The following RASEF variants were observed in gnomAD, a reference collection of about 807,000 sequenced individuals.
The protein encoded by RASEF is ras and EF-hand domain-containing protein.
A neutral mutation model predicts 90.1 loss-of-function variants in RASEF; 68 were observed. The observed-to-expected ratio is 0.75, with a 90% CI of 0.62 to 0.92. The LOEUF is 0.92. Among genes scored for constraint, RASEF ranks in the 40% least tolerant of loss-of-function variants. RASEF has a pLI of 0.00. For synonymous variants in RASEF, 331 were observed against 345.2 expected (o/e 0.96, Z 0.46); for missense variants, 949 against 937.2 (o/e 1.01, Z -0.16).
chr9:83,018,580 G>T (rs910210025), intron 3 of RASEF, among the ~76,000 whole-genome samples: 1 of 151,738 alleles, frequency 6.6e-6, no homozygotes, highest in Admixed American at 6.6e-5. Flanking sequence ...TTTTTTAAAA[G>T]AAATTGAAAG....
intron 3 of RASEF, among the ~76,000 whole-genome samples, chr9:83,016,344 CA>C (rs1829342084): frequency 6.6e-6 from 1 of 151,980 alleles, no homozygotes; most frequent in Admixed American, 6.5e-5. Flanking sequence ...TACATCACTG[CA>C]AATTTCTATG....
Position 83,062,965 on chromosome 9 carries a change from G to T in RASEF, c.-98C>A. ...CCACCTGCTGCCGCCGGGAGGCCCG[G>T]CGAGTTTGGCTCGTCCGGCTGGTTC... On this transcript the variant is annotated 5_prime_UTR_variant, in exon 1 of 17. Transcript: ENST00000376447. 7.9e-7 allele frequency: 1 copy of T among 1,271,956 alleles called. No individual in the cohort carries two copies. Among genetic ancestry groups the T allele is most frequent in the Non-Finnish European group, 1.0e-6 (1 of 984,440 alleles). The allele number at this position is 1,271,956 out of a possible 1,614,324, so 78.8% of individuals were successfully genotyped here. A position where few individuals can be genotyped will look rare whatever the true frequency, so the allele number is the denominator to read the frequency against.
At chr9:83,212,212 C>T in the RASEF span, among the ~76,000 whole-genome samples, 1 of 152,276 alleles carries the variant, frequency 6.6e-6, no homozygotes, top group African/African-American at 2.4e-5. Flanking sequence ...AAGTAACTTG[C>T]CCAAGGTCAC....
chr9:83,063,203 C>A (rs1419644676), upstream of RASEF: 3 of 298,750 alleles, frequency 1.0e-5, no homozygotes, highest in African/African-American at 6.6e-5. Flanking sequence ...TCCGCCCAGC[C>A]AGGGAGGAGG....
At chr9:83,068,341 AC>A in the RASEF span, among the ~76,000 whole-genome samples, 1 of 152,224 alleles carries the variant, frequency 6.6e-6, no homozygotes, top group Non-Finnish European at 1.5e-5. Context: ...AGTGAGCAGG[AC>A]CTGTGAATAT....
the RASEF span, among the ~76,000 whole-genome samples, chr9:83,199,606 G>GGTA: frequency 6.6e-6 from 1 of 152,134 alleles, no homozygotes; most frequent in African/African-American, 2.4e-5. Flanking sequence ...CAAATCAGTG[G>GGTA]GTAAATGAGG....
chr9:82,983,532 T>C (rs1482884148), intron 16 of RASEF, among the ~76,000 whole-genome samples: 2 of 152,152 alleles, frequency 1.3e-5, no homozygotes, highest in Non-Finnish European at 2.9e-5. Flanking sequence ...GCTGAACGGC[T>C]ATCTCTGCCA....
the RASEF span, among the ~76,000 whole-genome samples, chr9:83,154,004 G>C: frequency 2.6e-5 from 4 of 152,196 alleles, no homozygotes; most frequent in African/African-American, 9.7e-5. Flanking sequence ...TCAACATCTG[G>C]TTGAGCCCTG....
At chr9:83,169,679 C>T in the RASEF span, among the ~76,000 whole-genome samples, 1 of 152,010 alleles carries the variant, frequency 6.6e-6, no homozygotes, top group Non-Finnish European at 1.5e-5. Context: ...TTTTGATTTG[C>T]ATCTCCTTAA....
chr9:83,104,733 C>G, the RASEF span, among the ~76,000 whole-genome samples: 1 of 152,188 alleles, frequency 6.6e-6, no homozygotes, highest in Non-Finnish European at 1.5e-5. Context: ...GATGTATCAA[C>G]TTTCAAACCC....
the RASEF span, among the ~76,000 whole-genome samples, chr9:83,177,885 C>G: frequency 6.6e-6 from 1 of 152,126 alleles, no homozygotes; most frequent in East Asian, 1.9e-4. Context: ...CTTCTTCTAG[C>G]ACTCCCATTA....
chr9:83,142,397 G>T, the RASEF span, among the ~76,000 whole-genome samples: 179 of 152,328 alleles, frequency 1.2e-3, no homozygotes, highest in African/African-American at 4.1e-3. Flanking sequence ...AGAGTTTACA[G>T]TTGATTCCTC....
chr9:83,188,664 C>T, the RASEF span, among the ~76,000 whole-genome samples: 2 of 152,214 alleles, frequency 1.3e-5, no homozygotes, highest in South Asian at 2.1e-4. Context: ...ACAAAACACA[C>T]ATACCGGACA....
the RASEF span, among the ~76,000 whole-genome samples, chr9:83,092,337 G>A: frequency 0.29 from 44,545 of 151,820 alleles, 7,200 homozygotes; most frequent in East Asian, 0.68. Flanking sequence ...GGACCCTCGC[G>A]GTGAGTGTTA....
the RASEF span, among the ~76,000 whole-genome samples, chr9:83,173,523 C>T: frequency 6.6e-6 from 1 of 151,596 alleles, no homozygotes; most frequent in Non-Finnish European, 1.5e-5. Context: ...GCTGCTGAGA[C>T]ATTCTGCTGC....
intron 3 of RASEF, among the ~76,000 whole-genome samples, chr9:83,019,212 T>A (rs558188276): frequency 9.4e-4 from 143 of 152,220 alleles, no homozygotes; most frequent in Non-Finnish European, 1.6e-3. Context: ...ATAGATCAGG[T>A]ATCTGATAAA....
chr9:83,081,129 C>T, the RASEF span, among the ~76,000 whole-genome samples: 1 of 152,202 alleles, frequency 6.6e-6, no homozygotes, highest in African/African-American at 2.4e-5. Context: ...GATGAGGAAA[C>T]TAAGGCACAG....
At chr9:83,182,881 G>A in the RASEF span, among the ~76,000 whole-genome samples, 2 of 152,020 alleles carry the variant, frequency 1.3e-5, no homozygotes, top group Admixed American at 6.6e-5. Flanking sequence ...CAATGAAAAG[G>A]AATGAACTAC....
At chr9:83,070,003 T>C in the RASEF span, among the ~76,000 whole-genome samples, 1 of 152,192 alleles carries the variant, frequency 6.6e-6, no homozygotes, top group Non-Finnish European at 1.5e-5. Flanking sequence ...ATTGTGTCAT[T>C]TTATTCAGTT....
Sources: allele counts gnomAD v4.1 joint callset (sites outside exome capture counted in the v4.1 genomes callset), GRCh38; gene constraint gnomAD v4.1.1; transcripts MANE v1.5; gene names NCBI Gene and HGNC (gene_info 2026-07-23, HGNC 2026-07-21).